Variants in TRAPPC9 observed in about 807,000 individuals in gnomAD.
The protein encoded by TRAPPC9 is trafficking protein particle complex subunit 9.
In TRAPPC9, 83 loss-of-function variants were observed where a neutral mutation model predicts 124.0. The ratio of observed to expected loss-of-function variants is 0.67; its 90% CI spans 0.56 to 0.80. TRAPPC9 has a LOEUF of 0.80. Among genes scored for constraint, TRAPPC9 ranks in the 30% least tolerant of loss-of-function variants. The probability of loss-of-function intolerance (pLI) is 0.00; values close to 1 mark genes in which losing one functional copy is unlikely to be tolerated. For synonymous variants in TRAPPC9, 638 were observed against 617.5 expected (o/e 1.03, Z -0.49); for missense variants, 1,302 against 1,508.3 (o/e 0.86, Z 2.27).
At chr8:139,794,428 G>T (rs1242337572) in intron 21 of TRAPPC9, among the ~76,000 whole-genome samples, 1 of 152,206 alleles carries the variant, frequency 6.6e-6, no homozygotes, top group East Asian at 1.9e-4. Context: ...CCAGAAAAAG[G>T]GGACTCCAAG....
intron 17 of TRAPPC9, among the ~76,000 whole-genome samples, chr8:140,090,957 C>T (rs760647277): frequency 3.9e-5 from 6 of 152,238 alleles, no homozygotes; most frequent in Admixed American, 6.5e-5. Flanking sequence ...GAGACTCGAG[C>T]GCTCCCAGTG....
intron 21 of TRAPPC9, among the ~76,000 whole-genome samples, chr8:139,783,046 C>A (rs1163175425): frequency 6.6e-6 from 1 of 152,000 alleles, no homozygotes; most frequent in Non-Finnish European, 1.5e-5. Context: ...ATCACTAAAG[C>A]AATGCTTACA....
chr8:140,046,205 G>A (rs77666336), intron 17 of TRAPPC9, among the ~76,000 whole-genome samples: 4 of 152,358 alleles, frequency 2.6e-5, no homozygotes, highest in East Asian at 1.9e-4. Context: ...CACGGTCCAC[G>A]GTGCAATAGA....
rs758181432 is a variant in TRAPPC9, at chr8:140,275,753, T to C, written c.2183A>G (p.Asn728Ser). 3.9e-5 allele frequency: 63 copies of C among 1,613,652 alleles called. No homozygotes were observed. The highest frequency in any genetic ancestry group is 5.3e-5 in the Non-Finnish European group (63 of 1,179,646). ...ISTNVSVQLY[N>S]GESQQLIIKL... ...AATGATTAGTTGCTGACTTTCTCCA[T>C]TGTAAAGCTGGACAGATACATTAGT... is the stretch of plus-strand genomic sequence containing the variant. The change falls in exon 15 of 23, where the codon AAT becomes AGT. Residue 728 changes from asparagine (N) to serine (S), a missense_variant. This residue lies in a region of TRAPPC9 where 640 missense variants were observed against 679.3 expected (regional missense o/e 0.94). Coordinates refer to ENST00000438773, the MANE Select transcript of TRAPPC9 (RefSeq NM_001160372.4).
chr8:139,795,317 G>A (rs1382931986), intron 21 of TRAPPC9, among the ~76,000 whole-genome samples: 2 of 152,022 alleles, frequency 1.3e-5, no homozygotes, highest in Non-Finnish European at 2.9e-5. Flanking sequence ...GAGCCAGGCA[G>A]CCATCCCGTG....
chr8:140,025,472 A>G (rs1014976724), intron 17 of TRAPPC9, among the ~76,000 whole-genome samples: 19 of 152,140 alleles, frequency 1.2e-4, no homozygotes, highest in African/African-American at 4.6e-4. Context: ...AGATTTGCAG[A>G]TAAAACCCAG....
At chr8:139,833,473 G>C (rs571529764) in intron 21 of TRAPPC9, among the ~76,000 whole-genome samples, 1 of 152,234 alleles carries the variant, frequency 6.6e-6, no homozygotes, top group Admixed American at 6.5e-5. Flanking sequence ...CTCTGGCAAT[G>C]GAAGGAGCTG....
chr8:139,830,302 CTACACATGCA>C (rs1445202832), intron 21 of TRAPPC9, among the ~76,000 whole-genome samples: 1 of 149,392 alleles, frequency 6.7e-6, no homozygotes, highest in Non-Finnish European at 1.5e-5. Context: ...TGCACACACA[CTACACATGCA>C]CACACATGCA....
At chr8:140,130,630 C>T (rs2130703627) in intron 17 of TRAPPC9, among the ~76,000 whole-genome samples, 1 of 152,316 alleles carries the variant, frequency 6.6e-6, no homozygotes, top group East Asian at 1.9e-4. Context: ...CTAAAAGCCA[C>T]TCCTGGGACA....
chr8:140,008,084 G>A (rs1838877596), intron 18 of TRAPPC9, among the ~76,000 whole-genome samples: 1 of 152,162 alleles, frequency 6.6e-6, no homozygotes, highest in Non-Finnish European at 1.5e-5. Flanking sequence ...CCTCCACAGA[G>A]CTATAATATA....
chr8:139,969,537 C>T (rs1479339554), intron 19 of TRAPPC9, among the ~76,000 whole-genome samples: 2 of 152,234 alleles, frequency 1.3e-5, no homozygotes, highest in Non-Finnish European at 2.9e-5. Flanking sequence ...CTTCACCTCA[C>T]CAAGCCTGGG....
At position 139,864,330 on chromosome 8, in the gene TRAPPC9, C is replaced by T. The variant is rs547728742; in HGVS notation, c.3055+21549G>A. ...GAGGGTTTGGAAAGGCTGCAAAATT[C>T]GGGGATATAAAAATTCCTGCAAGAT... On this transcript the variant is annotated intron_variant, in intron 21 of 22. Coordinates refer to ENST00000438773, the MANE Select transcript of TRAPPC9 (RefSeq NM_001160372.4). Among the ~76,000 whole-genome samples the T allele has an allele frequency of 7.2e-5, 11 of 152,226 alleles. No individual in the cohort carries two copies. In the East Asian group the frequency reaches 1.4e-3, roughly 19 times the overall value.
chr8:140,352,644 G>A (rs1252636638), intron 9 of TRAPPC9, among the ~76,000 whole-genome samples: 1 of 152,134 alleles, frequency 6.6e-6, no homozygotes, highest in East Asian at 1.9e-4. Context: ...ACACCTCTGG[G>A]TGGCACCATC....
At chr8:140,457,799 C>A (rs2071743886), upstream of TRAPPC9, 3 of 1,029,502 alleles carry the variant, frequency 2.9e-6, no homozygotes, top group South Asian at 1.1e-4. Context: ...CCTGGGCCCC[C>A]GATCCGTCCC....
chr8:140,447,836 A>G (rs1280462157), intron 2 of TRAPPC9, among the ~76,000 whole-genome samples: 1 of 152,168 alleles, frequency 6.6e-6, no homozygotes, highest in African/African-American at 2.4e-5. Context: ...TCCTGCACCA[A>G]AGCATTCCTT....
At chr8:139,759,078 C>T (rs574094943) in intron 21 of TRAPPC9, among the ~76,000 whole-genome samples, 3 of 152,176 alleles carry the variant, frequency 2.0e-5, no homozygotes, top group South Asian at 4.2e-4. Context: ...GTGAGTGGGC[C>T]GGGTGCTGCT....
intron 21 of TRAPPC9, among the ~76,000 whole-genome samples, chr8:139,755,578 G>T (rs1819682453): frequency 7.3e-6 from 1 of 136,186 alleles, no homozygotes; most frequent in Non-Finnish European, 1.6e-5. Context: ...CAGGGATGGG[G>T]TATAAGGACA....
chr8:139,850,746 A>G (rs542132096), intron 21 of TRAPPC9, among the ~76,000 whole-genome samples: 1 of 152,258 alleles, frequency 6.6e-6, no homozygotes, highest in East Asian at 1.9e-4. Context: ...ATTGTCTACT[A>G]ATCCAGTCTT....
chr8:139,755,278 C>A lies in TRAPPC9; in HGVS notation c.3056-23076G>T, dbSNP rs533779174. 5.3e-5 allele frequency among the ~76,000 whole-genome samples: 8 copies of A among 150,812 alleles called. No homozygotes were observed. The East Asian group carries it at 1.5e-3, about 29-fold the overall frequency. On this transcript the variant is annotated intron_variant, in intron 21 of 22. Coordinates refer to ENST00000438773, the MANE Select transcript of TRAPPC9 (RefSeq NM_001160372.4). ...AGCCAGGGTTTGGGGATGAGGACAG[C>A]GTGTCGCAGGAGGAGCCAGGGATTG...
Sources: gnomAD v4.1 joint callset for allele counts (sites outside exome capture counted in the v4.1 genomes callset) on GRCh38, gnomAD v4.1.1 for gene constraint, gnomAD v4.1.1 regional missense constraint, MANE v1.5 for transcripts, NCBI Gene and HGNC (gene_info 2026-07-23, HGNC 2026-07-21) for gene names.